The following MKLN1 variants were observed in gnomAD, a reference collection of about 807,000 sequenced individuals.
MKLN1 encodes muskelin 1, also known as muskelin.
MKLN1 carries 18 observed loss-of-function variants against 99.0 expected under a neutral mutation model. That is an observed-to-expected ratio of 0.18 (90% confidence interval 0.13 to 0.27). MKLN1 has a LOEUF of 0.27. Ranked by LOEUF, MKLN1 falls within the 10% of genes least tolerant of loss-of-function variation. The pLI is 1.00. For synonymous variants in MKLN1, 288 were observed against 293.2 expected (o/e 0.98, Z 0.18); for missense variants, 621 against 875.9 (o/e 0.71, Z 3.67).
chr7:131,478,592 CTTCTTTTTTTT>C lies in MKLN1; in HGVS notation c.2032-28_2032-18del. On this transcript the variant is annotated intron_variant, in intron 16 of 17. Coordinates refer to ENST00000352689, the MANE Select transcript of MKLN1 (RefSeq NM_013255.5). ...GTGCACTTAGCCAGCTAATTTGCTG[CTTCTTTTTTTT>C]TTTTTTTTTTTTTAAACAGTTTCAG... 2 of 1,138,312 alleles carry C rather than the reference CTTCTTTTTTTT, an allele frequency of 1.8e-6. No individual in the cohort carries two copies. The highest frequency in any genetic ancestry group is 2.4e-6 in the Non-Finnish European group (2 of 850,030). 70.5% of individuals were successfully genotyped at this position (1,138,312 alleles called of 1,614,324 possible).
intron 1 of MKLN1, among the ~76,000 whole-genome samples, chr7:131,115,236 C>A (rs1795256630): frequency 6.6e-6 from 1 of 152,182 alleles, no homozygotes; most frequent in Admixed American, 6.5e-5. Context: ...ATTCTTCATT[C>A]TCTCAGGCTT....
chr7:131,260,306 A>C (rs1416976130), intron 3 of MKLN1, among the ~76,000 whole-genome samples: 1 of 152,118 alleles, frequency 6.6e-6, no homozygotes, highest in Non-Finnish European at 1.5e-5. Flanking sequence ...CAGCCTCCCA[A>C]AGAAAAATCA....
At chr7:131,245,946 C>A (rs1797480900) in intron 3 of MKLN1, among the ~76,000 whole-genome samples, 1 of 152,194 alleles carries the variant, frequency 6.6e-6, no homozygotes, top group African/African-American at 2.4e-5. Flanking sequence ...CTCTTTTGTT[C>A]AATGGGCAGA....
intron 4 of MKLN1, among the ~76,000 whole-genome samples, chr7:131,393,045 C>T (rs1794252892): frequency 6.6e-6 from 1 of 152,068 alleles, no homozygotes. Flanking sequence ...CCACACCTGG[C>T]TAATTTTAAA....
intron 3 of MKLN1, among the ~76,000 whole-genome samples, chr7:131,319,929 G>A (rs942063047): frequency 6.6e-6 from 1 of 152,076 alleles, no homozygotes; most frequent in South Asian, 2.1e-4. Flanking sequence ...GGAAATGAGA[G>A]GACTCAAACA....
At chr7:131,153,033 A>ATAT (rs1554529309) in intron 2 of MKLN1, among the ~76,000 whole-genome samples, 7 of 138,268 alleles carry the variant, frequency 5.1e-5, no homozygotes, top group African/African-American at 1.9e-4. Context: ...ATATATATAT[A>ATAT]TTTTTTTTTT....
intron 17 of MKLN1, chr7:131,478,910 A>G (rs1270418497): frequency 8.9e-6 from 5 of 559,496 alleles, no homozygotes; most frequent in African/African-American, 3.9e-5. Context: ...TAGTATGCAA[A>G]CAGATAGCAA....
chr7:131,160,647 T>C (rs529996426), intron 2 of MKLN1, among the ~76,000 whole-genome samples: 86 of 150,140 alleles, frequency 5.7e-4, no homozygotes, highest in African/African-American at 2.0e-3. Context: ...GCCTCCTGAG[T>C]AGCTGGGACT....
chr7:131,236,371 G>C (rs1053577550), intron 3 of MKLN1, among the ~76,000 whole-genome samples: 6 of 152,094 alleles, frequency 3.9e-5, no homozygotes, highest in African/African-American at 1.4e-4. Context: ...CGCTAAAAAA[G>C]TGATGGAGGC....
At chr7:131,275,557 ATATATATATATTTTTTTTTT>A (rs1451492570) in intron 3 of MKLN1, among the ~76,000 whole-genome samples, 3 of 15,664 alleles carry the variant, frequency 1.9e-4, no homozygotes, top group East Asian at 2.0e-3. Flanking sequence ...ATATATATAT[ATATATATATATTTTTTTTTT>A]TTTTTTTTTT....
rs1185546471 is a variant in MKLN1, at chr7:131,375,424, G to A, written c.99G>A (p.Glu33=). The A allele has an allele frequency of 1.2e-6, 2 of 1,604,048 alleles. No homozygotes were observed. Among genetic ancestry groups the A allele is most frequent in the Non-Finnish European group, 1.7e-6 (2 of 1,171,316 alleles). The part of the protein sequence containing the change: ...WSSFSSTYLP[E]NILVDKPNDQ... Reference sequence around the variant, plus strand: ...TTTTTTAATACTTTCTTTATTCCAGGAACATTTTAGTGGACAAACCAAATG... The same window carrying A: ...TTTTTTAATACTTTCTTTATTCCAGAAACATTTTAGTGGACAAACCAAATG... The change falls in exon 2 of 18, where the codon GAG becomes GAA. Residue 33 remains glutamate, a splice_region_variant and synonymous_variant. Transcript: ENST00000352689.
At chr7:131,381,042 A>G (rs1451829018) in intron 2 of MKLN1, among the ~76,000 whole-genome samples, 2 of 152,162 alleles carry the variant, frequency 1.3e-5, no homozygotes, top group African/African-American at 4.8e-5. Context: ...TTTCTGTTTA[A>G]AGAAACCTTA....
chr7:131,241,172 G>C (rs538460630), intron 3 of MKLN1, among the ~76,000 whole-genome samples: 1 of 151,974 alleles, frequency 6.6e-6, no homozygotes, highest in Non-Finnish European at 1.5e-5. Context: ...GAGGCCAGGA[G>C]TTTGAGACCA....
chr7:131,252,810 A>T (rs62471997), intron 3 of MKLN1, among the ~76,000 whole-genome samples: 4,980 of 152,220 alleles, frequency 0.033, 122 homozygotes, highest in Middle Eastern at 0.068. Context: ...TGGCATGCAC[A>T]AGGGGGATGG....
intron 1 of MKLN1, among the ~76,000 whole-genome samples, chr7:131,133,127 G>T (rs1458562316): frequency 6.6e-6 from 1 of 151,378 alleles, no homozygotes; most frequent in Non-Finnish European, 1.5e-5. Context: ...TGTCTTGTGG[G>T]GTAGCAGGCT....
chr7:131,201,028 CT>C (rs1157430540), intron 2 of MKLN1, among the ~76,000 whole-genome samples: 1 of 151,870 alleles, frequency 6.6e-6, no homozygotes, highest in Non-Finnish European at 1.5e-5. Flanking sequence ...GTGGCCACCT[CT>C]TTTTTTTGGA....
At chr7:131,484,430 A>G (rs1181718945) in intron 17 of MKLN1, among the ~76,000 whole-genome samples, 1 of 152,186 alleles carries the variant, frequency 6.6e-6, no homozygotes, top group Non-Finnish European at 1.5e-5. Context: ...CAAAAATAGT[A>G]ATAACCTTAA....
chr7:131,466,276 G>C lies in MKLN1; in HGVS notation c.1789G>C (p.Val597Leu), dbSNP rs1173639839. The C allele has an allele frequency of 3.8e-6, 6 of 1,597,342 alleles. No homozygotes were observed. The highest frequency in any genetic ancestry group is 4.3e-6 in the Non-Finnish European group (5 of 1,169,984). Residue 597 changes from valine (V) to leucine (L), a missense_variant and splice_region_variant, in exon 15 of 18, where the codon GTT (valine) becomes CTT (leucine). This residue lies in a region of MKLN1 where 126 missense variants were observed against 157.4 expected (regional missense o/e 0.80). Coordinates refer to ENST00000352689, the MANE Select transcript of MKLN1 (RefSeq NM_013255.5). ...HQLVYDELHK[V>L]HYLFGGNPGK... ...ATCTGGCTTATTTTGCTTATTATAG[G>C]TTCATTACTTATTTGGTGGGAATCC...
intron 17 of MKLN1, among the ~76,000 whole-genome samples, chr7:131,486,792 GC>G (rs974218582): frequency 1.3e-5 from 2 of 152,140 alleles, no homozygotes; most frequent in Non-Finnish European, 2.9e-5. Context: ...GATGAAGACA[GC>G]ATCTCACTGA....
Sources: allele counts gnomAD v4.1 joint callset (sites outside exome capture counted in the v4.1 genomes callset), GRCh38; gene constraint gnomAD v4.1.1; regional missense constraint gnomAD v4.1.1; transcripts MANE v1.5; gene names NCBI Gene and HGNC (gene_info 2026-07-23, HGNC 2026-07-21).